The following DPP10 variants were observed in gnomAD, a reference collection of about 807,000 sequenced individuals.
DPP10 encodes dipeptidyl peptidase like 10.
DPP10 carries 33 observed loss-of-function variants against 120.9 expected under a neutral mutation model. The ratio of observed to expected loss-of-function variants is 0.27; its 90% CI spans 0.21 to 0.37. The LOEUF (loss-of-function observed/expected upper bound fraction) is 0.37, where lower values mean the gene tolerates loss of function less well. Among genes scored for constraint, DPP10 ranks in the 10% least tolerant of loss-of-function variants. The probability of loss-of-function intolerance (pLI) is 1.00; values close to 1 mark genes in which losing one functional copy is unlikely to be tolerated. For missense variants in DPP10, 816 were observed against 942.8 expected (o/e 0.87, Z 1.76); for synonymous variants, 337 against 326.1 (o/e 1.03, Z -0.36).
chr2:114,471,732 C>T (rs1679935627), intron 1 of DPP10, among the ~76,000 whole-genome samples: 1 of 152,128 alleles, frequency 6.6e-6, no homozygotes, highest in Non-Finnish European at 1.5e-5. Flanking sequence ...TAAATGGTCT[C>T]ACACAACACA....
At chr2:114,477,871 AC>A (rs1680598592) in intron 1 of DPP10, among the ~76,000 whole-genome samples, 1 of 149,630 alleles carries the variant, frequency 6.7e-6, no homozygotes, top group East Asian at 2.0e-4. Flanking sequence ...GTATATATGT[AC>A]ATATATGTGT....
At chr2:114,838,989 C>A (rs940615467) in intron 1 of DPP10, among the ~76,000 whole-genome samples, 2 of 152,120 alleles carry the variant, frequency 1.3e-5, no homozygotes, top group African/African-American at 4.8e-5. Flanking sequence ...TTTTATGTAT[C>A]ATATCCTCTG....
chr2:115,407,831 C>T (rs977143644), intron 3 of DPP10, among the ~76,000 whole-genome samples: 1 of 151,334 alleles, frequency 6.6e-6, no homozygotes, highest in Admixed American at 6.6e-5. Context: ...TATGGACACA[C>T]AATTACCTAT....
At chr2:115,823,966 C>T (rs1688058675) in intron 21 of DPP10, among the ~76,000 whole-genome samples, 1 of 152,158 alleles carries the variant, frequency 6.6e-6, no homozygotes, top group Admixed American at 6.6e-5. Flanking sequence ...TTTCTTTACA[C>T]TCACTAATAT....
rs560775590 is a variant in DPP10 at position 115,150,496 on chromosome 2, A to G, written c.61-158743A>G. Among the ~76,000 whole-genome samples, 3 of 152,334 alleles carry G rather than the reference A, an allele frequency of 2.0e-5. No homozygotes were observed. In the South Asian group the frequency reaches 6.2e-4, roughly 32 times the overall value. On this transcript the variant is annotated intron_variant, in intron 1 of 25. Coordinates refer to ENST00000410059, the MANE Select transcript of DPP10 (RefSeq NM_020868.6). The stretch of plus-strand genomic sequence containing the variant: ...AAAAAAAAGTAACTATACAAATATT[A>G]CCACCACCCATTATAATTATTGAAA...
chr2:115,054,551 A>G (rs1450786738), intron 1 of DPP10, among the ~76,000 whole-genome samples: 2 of 152,198 alleles, frequency 1.3e-5, no homozygotes, highest in Non-Finnish European at 2.9e-5. Context: ...GAACTAAACA[A>G]CTAAAGTTTA....
chr2:115,779,813 A>G (rs1168655123), intron 15 of DPP10, among the ~76,000 whole-genome samples: 2 of 151,542 alleles, frequency 1.3e-5, no homozygotes, highest in African/African-American at 4.8e-5. Flanking sequence ...TGGATATTTT[A>G]TAAGTTATCA....
chr2:114,770,789 T>C (rs1317779892), intron 1 of DPP10, among the ~76,000 whole-genome samples: 1 of 152,208 alleles, frequency 6.6e-6, no homozygotes, highest in African/African-American at 2.4e-5. Flanking sequence ...ATTTTTGCTA[T>C]TGTTCTTTCA....
intron 5 of DPP10, among the ~76,000 whole-genome samples, chr2:115,617,191 T>C (rs1158534699): frequency 6.7e-6 from 1 of 148,630 alleles, no homozygotes; most frequent in African/African-American, 2.5e-5. Flanking sequence ...CCATGGAGGG[T>C]ACATTCCAAG....
At chr2:114,844,550 G>A (rs1008344090) in intron 1 of DPP10, among the ~76,000 whole-genome samples, 3 of 151,832 alleles carry the variant, frequency 2.0e-5, no homozygotes, top group African/African-American at 7.3e-5. Context: ...CAATATTCAA[G>A]TACACAAGTT....
At chr2:115,593,706 T>C (rs1445629137) in intron 5 of DPP10, among the ~76,000 whole-genome samples, 1 of 152,214 alleles carries the variant, frequency 6.6e-6, no homozygotes, top group Non-Finnish European at 1.5e-5. Flanking sequence ...TATGACTGTC[T>C]CTTTTGAAAC....
chr2:114,669,798 G>GA lies in DPP10; in HGVS notation c.60+226966dup, dbSNP rs545561281. 5.1e-3 allele frequency among the ~76,000 whole-genome samples: 777 copies of GA among 152,074 alleles called. 3 individuals carry two copies. Among genetic ancestry groups the GA allele is most frequent in the Middle Eastern group, 0.017 (5 of 294 alleles). ...CAAATAACATGACTCATTTCAGGGA[G>GA]AAAAAATATAAATTTAAGTCACCTC... On this transcript the variant is annotated intron_variant, in intron 1 of 25. Coordinates refer to ENST00000410059, the MANE Select transcript of DPP10 (RefSeq NM_020868.6).
intron 1 of DPP10, among the ~76,000 whole-genome samples, chr2:115,289,595 A>G (rs777807968): frequency 1.1e-4 from 16 of 152,086 alleles, no homozygotes; most frequent in Admixed American, 2.0e-4. Flanking sequence ...CTCATTTCCA[A>G]TTGTACTACC....
chr2:114,496,632 G>A (rs2104472242), intron 1 of DPP10, among the ~76,000 whole-genome samples: 1 of 152,118 alleles, frequency 6.6e-6, no homozygotes, highest in Non-Finnish European at 1.5e-5. Context: ...CCCACCTCCT[G>A]ATATCTTCAC....
Position 115,739,764 on chromosome 2 carries a change from C to T in DPP10, c.723C>T (p.Ala241=), listed in dbSNP as rs1230643751. ...YEEELLHSHI[A]HWWSPDGERL... is the part of the protein sequence containing the mutation. The stretch of plus-strand genomic sequence containing the variant: ...AGGAACTCCTGCATTCTCACATCGC[C>T]CACTGGTGGTCACCAGATGGAGAAA... Residue 241 remains alanine, a synonymous_variant, in exon 9 of 26, where the codon GCC becomes GCT. Transcript: ENST00000410059. 1 of 1,613,408 alleles carries T rather than the reference C, an allele frequency of 6.2e-7. No homozygotes were observed. Among genetic ancestry groups the T allele is most frequent in the Admixed American group, 1.7e-5 (1 of 59,988 alleles).
At chr2:114,482,835 A>G (rs1681178101) in intron 1 of DPP10, among the ~76,000 whole-genome samples, 1 of 152,166 alleles carries the variant, frequency 6.6e-6, no homozygotes, top group Non-Finnish European at 1.5e-5. Context: ...GAAGTCCTGG[A>G]AAAATAAACC....
chr2:114,515,346 G>A (rs776031839), intron 1 of DPP10, among the ~76,000 whole-genome samples: 13 of 152,102 alleles, frequency 8.5e-5, no homozygotes, highest in Non-Finnish European at 1.5e-4. Flanking sequence ...TCTGCAGCTC[G>A]TTGGCAACAG....
At chr2:115,797,387 A>T (rs1308138707) in intron 19 of DPP10, among the ~76,000 whole-genome samples, 1 of 152,006 alleles carries the variant, frequency 6.6e-6, no homozygotes, top group Non-Finnish European at 1.5e-5. Flanking sequence ...ATAACTTCCA[A>T]CATCATTTGA....
intron 1 of DPP10, among the ~76,000 whole-genome samples, chr2:114,751,699 A>T (rs1332345515): frequency 3.3e-5 from 5 of 152,302 alleles, no homozygotes; most frequent in South Asian, 2.1e-4. Flanking sequence ...GGCTCCTGGG[A>T]GATTTCTTTA....
Sources: gnomAD v4.1 joint callset for allele counts (sites outside exome capture counted in the v4.1 genomes callset) on GRCh38, gnomAD v4.1.1 for gene constraint, MANE v1.5 for transcripts, NCBI Gene and HGNC (gene_info 2026-07-23, HGNC 2026-07-21) for gene names.